ATXN2: variants seen among roughly 807,000 people sequenced by gnomAD.
ATXN2 encodes ataxin-2.
ATXN2 carries 37 observed loss-of-function variants against 138.6 expected under a neutral mutation model. The observed-to-expected ratio is 0.27, with a 90% CI of 0.21 to 0.35. The LOEUF is 0.35. Ranked by LOEUF, ATXN2 falls within the 10% of genes least tolerant of loss-of-function variation. The probability of loss-of-function intolerance (pLI) is 1.00; values close to 1 mark genes in which losing one functional copy is unlikely to be tolerated. For synonymous variants in ATXN2, 549 were observed against 543.7 expected, an observed-to-expected ratio of 1.01 and a Z score of -0.13; for missense variants, 1,216 against 1,480.3, an observed-to-expected ratio of 0.82 and a Z score of 2.93.
In ATXN2 at chr12:111,580,460, C is replaced by CA. The variant is rs1484021152; in HGVS notation, c.251+18323_251+18324insT. Among the ~76,000 whole-genome samples the CA allele has an allele frequency of 1.1e-4, 17 of 150,124 alleles. 1 individual carries two copies. The East Asian group carries it at 2.7e-3, about 24-fold the overall frequency. ...TTACACAGTTACAGTAAGCTATGAT[C>CA]GTGCCACTACACTCCACCCTGAGCA... On this transcript the variant is annotated intron_variant, in intron 1 of 24. Transcript: ENST00000673436.
intron 20 of ATXN2, among the ~76,000 whole-genome samples, chr12:111,467,303 T>G (rs925029259): frequency 8.2e-6 from 1 of 121,372 alleles, no homozygotes; most frequent in South Asian, 2.8e-4. Context: ...CCACCATGAC[T>G]GGGCTTTTTT....
rs1879399150 is a variant in ATXN2, at chr12:111,509,907, T to C, written c.1848A>G (p.Ser616=). The change falls in exon 13 of 25, where the codon TCA becomes TCG. Residue 616 remains serine, a synonymous_variant. Coordinates refer to ENST00000673436, the MANE Select transcript of ATXN2 (RefSeq NM_001372574.1). ...IKPNETSPSF[S]KAENKGISPV... Reference sequence around the variant, plus strand: ...AACTCTAACCTTTGTTTTCAGCTTTTGAGAAGCTAGGTGATGTTTCATTGG... The same window carrying C: ...AACTCTAACCTTTGTTTTCAGCTTTCGAGAAGCTAGGTGATGTTTCATTGG... 6.2e-7 allele frequency: 1 copy of C among 1,609,466 alleles called. No homozygotes were observed. Among genetic ancestry groups the C allele is most frequent in the East Asian group, 2.2e-5 (1 of 44,724 alleles).
intron 1 of ATXN2, chr12:111,597,739 A>T (rs1885008023): frequency 1.3e-6 from 1 of 747,820 alleles, no homozygotes; most frequent in African/African-American, 1.8e-5. Context: ...AGACGCTAGT[A>T]AACACCCGCC....
rs1213515203 is a variant in ATXN2, at chr12:111,598,451, CG to C, written c.251+332del. The C allele has an allele frequency of 2.0e-6, 2 of 985,410 alleles. No individual in the cohort carries two copies. The highest frequency in any genetic ancestry group is 3.5e-5 in the African/African-American group (2 of 57,202). The allele number at this position is 985,410 out of a possible 1,614,324, so 61.0% of individuals were successfully genotyped here. A position where few individuals can be genotyped will look rare whatever the true frequency, so the allele number is the denominator to read the frequency against. Reference sequence around the variant, plus strand: ...CCCACGCTGCGGGCGGAGGATCGTGCGGAAGGGGGAGCCGGGGCTGACCATC... The same window carrying C: ...CCCACGCTGCGGGCGGAGGATCGTGCGAAGGGGGAGCCGGGGCTGACCATC... On this transcript the variant is annotated intron_variant, in intron 1 of 24. Transcript: ENST00000673436. This position sits in a 1 kb window ranked among gnomAD's most constrained non-coding sequence, Gnocchi z 4.5.
chr12:111,582,618 T>C (rs966696896), intron 1 of ATXN2, among the ~76,000 whole-genome samples: 1 of 152,192 alleles, frequency 6.6e-6, no homozygotes, highest in African/African-American at 2.4e-5. Flanking sequence ...AAAAAATAAA[T>C]ACATAAAAAC....
At chr12:111,510,305 G>T in intron 12 of ATXN2, 80 bp downstream of exon 12, 1 of 1,441,182 alleles carries the variant, frequency 6.9e-7, no homozygotes, top group African/African-American at 1.4e-5. Context: ...AAATAACCTA[G>T]AATTTTTTCA....
At chr12:111,528,672 T>C (rs773423194) in intron 5 of ATXN2, among the ~76,000 whole-genome samples, 1 of 152,230 alleles carries the variant, frequency 6.6e-6, no homozygotes, top group Non-Finnish European at 1.5e-5. Flanking sequence ...TAAAGAATGA[T>C]ATTCCTTGGT....
chr12:111,515,327 T>C (rs551472869), intron 10 of ATXN2, among the ~76,000 whole-genome samples: 1 of 152,314 alleles, frequency 6.6e-6, no homozygotes, highest in African/African-American at 2.4e-5. Flanking sequence ...TCAGAACTAG[T>C]ATCAAAAGGA....
At chr12:111,569,133 GAACT>G (rs1883179176) in intron 1 of ATXN2, among the ~76,000 whole-genome samples, 1 of 152,096 alleles carries the variant, frequency 6.6e-6, no homozygotes, top group Non-Finnish European at 1.5e-5. Flanking sequence ...ATTCACACAA[GAACT>G]AATATCAGCA....
At chr12:111,535,863 A>G (rs913163481) in intron 5 of ATXN2, among the ~76,000 whole-genome samples, 1 of 149,114 alleles carries the variant, frequency 6.7e-6, no homozygotes, top group Non-Finnish European at 1.5e-5. Context: ...AGCCGGGCGT[A>G]GTGGCGGGCG....
At chr12:111,591,166 G>A (rs1693512036) in intron 1 of ATXN2, among the ~76,000 whole-genome samples, 1 of 152,048 alleles carries the variant, frequency 6.6e-6, no homozygotes, top group African/African-American at 2.4e-5. Context: ...TGGGATTACA[G>A]GCGTGAGCCA....
chr12:111,598,566 T>C lies in ATXN2; in HGVS notation c.251+218A>G. The C allele has an allele frequency of 1.0e-6, 1 of 983,368 alleles. No homozygotes were observed. Among genetic ancestry groups the C allele is most frequent in the Non-Finnish European group, 1.2e-6 (1 of 828,808 alleles). 60.9% of individuals were successfully genotyped at this position (983,368 alleles called of 1,614,324 possible). Reference sequence around the variant, plus strand: ...TGACCGCCGGGGGAGGGGGCGGGGATGCTGCGGGAGGCTGGACAGGCCTGA... The same window carrying C: ...TGACCGCCGGGGGAGGGGGCGGGGACGCTGCGGGAGGCTGGACAGGCCTGA... On this transcript the variant is annotated intron_variant, in intron 1 of 24. Coordinates refer to ENST00000673436, the MANE Select transcript of ATXN2 (RefSeq NM_001372574.1). The surrounding 1 kb of genome is among the most constrained non-coding windows in gnomAD (Gnocchi z 4.5).
At chr12:111,528,693 C>T (rs1253282275) in intron 5 of ATXN2, among the ~76,000 whole-genome samples, 1 of 152,264 alleles carries the variant, frequency 6.6e-6, no homozygotes, top group East Asian at 1.9e-4. Context: ...TTTAAAATTT[C>T]ACCAAAAGTA....
At chr12:111,484,992 T>A (rs1466694241) in intron 18 of ATXN2, 1 of 296,562 alleles carries the variant, frequency 3.4e-6, no homozygotes, top group African/African-American at 2.1e-5. Context: ...CCTCCCAAAG[T>A]GCTAAAATTA....
intron 6 of ATXN2, among the ~76,000 whole-genome samples, 185 bp from the exon 7 acceptor site, chr12:111,521,158 A>G (rs1199222880): frequency 6.6e-5 from 10 of 152,248 alleles, no homozygotes; most frequent in Non-Finnish European, 1.5e-4. Flanking sequence ...TCCAGTTGAT[A>G]AGTAACTATA....
chr12:111,559,143 T>G (rs1436110241), intron 1 of ATXN2, among the ~76,000 whole-genome samples: 1 of 151,332 alleles, frequency 6.6e-6, no homozygotes, highest in Non-Finnish European at 1.5e-5. Context: ...TTTGTTTTTT[T>G]TTTTTTCTGA....
intron 1 of ATXN2, among the ~76,000 whole-genome samples, chr12:111,589,644 T>C (rs1414185989): frequency 2.0e-5 from 3 of 151,540 alleles, no homozygotes; most frequent in Non-Finnish European, 2.9e-5. Flanking sequence ...TAGTGGCGCA[T>C]GCCTATAATC....
chr12:111,511,248 T>G (rs1004517755), intron 11 of ATXN2: 4 of 151,874 alleles, frequency 2.6e-5, no homozygotes, highest in Admixed American at 6.6e-5. Context: ...TTTCAGTGTT[T>G]TTTTTTTTTT....
chr12:111,466,317 T>C (rs898911253), intron 20 of ATXN2, among the ~76,000 whole-genome samples: 23 of 150,326 alleles, frequency 1.5e-4, no homozygotes, highest in African/African-American at 5.6e-4. Context: ...GCTAACACAG[T>C]GAAACCCCAT....
Sources: allele counts gnomAD v4.1 joint callset (sites outside exome capture counted in the v4.1 genomes callset), GRCh38; gene constraint gnomAD v4.1.1; non-coding constraint Gnocchi (gnomAD v3.1); transcripts MANE v1.5; gene names NCBI Gene and HGNC (gene_info 2026-07-23, HGNC 2026-07-21).